The following TMEM132D variants were observed in gnomAD, a reference collection of about 807,000 sequenced individuals.
The protein encoded by TMEM132D is transmembrane protein 132D.
Under a neutral mutation model 62.3 loss-of-function variants are expected in TMEM132D, and 21 were observed. That is an observed-to-expected ratio of 0.34 (90% confidence interval 0.24 to 0.49). The LOEUF (loss-of-function observed/expected upper bound fraction) is 0.49, where lower values mean the gene tolerates loss of function less well. Ranked by LOEUF, TMEM132D falls within the 20% of genes least tolerant of loss-of-function variation. The pLI, the probability that TMEM132D is intolerant of heterozygous loss-of-function variation, is 0.99. For synonymous variants in TMEM132D, 621 were observed against 575.6 expected (o/e 1.08, Z -1.13); for missense variants, 1,346 against 1,402.8 (o/e 0.96, Z 0.65).
At chr12:129,567,779 G>A (rs1352008756) in intron 2 of TMEM132D, among the ~76,000 whole-genome samples, 2 of 151,920 alleles carry the variant, frequency 1.3e-5, no homozygotes, top group African/African-American at 4.8e-5. Flanking sequence ...AATTTTCTCA[G>A]TTTTTGTTTA....
chr12:129,117,497 C>G (rs143951433), intron 5 of TMEM132D, among the ~76,000 whole-genome samples: 9 of 152,286 alleles, frequency 5.9e-5, no homozygotes, highest in African/African-American at 1.2e-4. Context: ...TTTCCACACA[C>G]TAATCTAAGT....
intron 3 of TMEM132D, among the ~76,000 whole-genome samples, chr12:129,457,135 G>A (rs1236329250): frequency 6.6e-6 from 1 of 151,808 alleles, no homozygotes; most frequent in Non-Finnish European, 1.5e-5. Flanking sequence ...AAAGACACAT[G>A]CACACGTATG....
At chr12:129,794,075 G>GT (rs1565987524) in intron 1 of TMEM132D, among the ~76,000 whole-genome samples, 6 of 94,666 alleles carry the variant, frequency 6.3e-5, no homozygotes, top group African/African-American at 1.4e-4. Flanking sequence ...TAAGTGTATG[G>GT]GTTTTTTTTT....
intron 2 of TMEM132D, among the ~76,000 whole-genome samples, chr12:129,551,135 C>T (rs1876883795): frequency 6.6e-6 from 1 of 152,258 alleles, no homozygotes; most frequent in African/African-American, 2.4e-5. Context: ...TCCCAAGCTT[C>T]AGGGATCTGC....
intron 6 of TMEM132D, among the ~76,000 whole-genome samples, chr12:129,083,638 G>A (rs565051206): frequency 6.6e-6 from 1 of 152,312 alleles, no homozygotes; most frequent in Non-Finnish European, 1.5e-5. Flanking sequence ...TTGCAAGGAA[G>A]GGAATATAAG....
chr12:129,349,425 C>A lies in TMEM132D; in HGVS notation c.1116-11608G>T, dbSNP rs192782839. 2.0e-4 allele frequency among the ~76,000 whole-genome samples: 31 copies of A among 152,258 alleles called. No homozygotes were observed. In the East Asian group the frequency reaches 6.0e-3, roughly 29 times the overall value. Reference sequence around the variant, plus strand: ...AGCTTTGTGCACCAAGGAAAAAGGACAACAAACTGTTAATACCAGGTGCTA... The same window carrying A: ...AGCTTTGTGCACCAAGGAAAAAGGAAAACAAACTGTTAATACCAGGTGCTA... On this transcript the variant is annotated intron_variant, in intron 3 of 8. Transcript: ENST00000422113.
At chr12:129,493,852 A>G (rs1231141334) in intron 3 of TMEM132D, among the ~76,000 whole-genome samples, 1 of 152,238 alleles carries the variant, frequency 6.6e-6, no homozygotes, top group African/African-American at 2.4e-5. Flanking sequence ...GGATCTATAA[A>G]TAATCCCAAT....
At chr12:129,181,483 T>C (rs1878063048) in intron 5 of TMEM132D, among the ~76,000 whole-genome samples, 1 of 152,182 alleles carries the variant, frequency 6.6e-6, no homozygotes, top group African/African-American at 2.4e-5. Context: ...ATTCCACTGC[T>C]TAAGGACATT....
intron 5 of TMEM132D, among the ~76,000 whole-genome samples, chr12:129,183,532 T>A (rs938068937): frequency 5.3e-5 from 8 of 152,238 alleles, no homozygotes; most frequent in Non-Finnish European, 1.5e-5. Context: ...GAAGGAGCCT[T>A]GCTAGTGTTT....
intron 5 of TMEM132D, among the ~76,000 whole-genome samples, chr12:129,183,474 G>T (rs78211809): frequency 6.6e-6 from 1 of 152,174 alleles, no homozygotes; most frequent in South Asian, 2.1e-4. Flanking sequence ...CAGCCCAGGC[G>T]TATTTCCTTC....
At chr12:129,633,183 G>A (rs1565930137) in intron 2 of TMEM132D, among the ~76,000 whole-genome samples, 2 of 152,146 alleles carry the variant, frequency 1.3e-5, no homozygotes, top group Non-Finnish European at 2.9e-5. Flanking sequence ...CTTCCCCCTG[G>A]ATATGGTTGG....
At chr12:129,269,591 T>TGGTAG (rs2135600022) in intron 4 of TMEM132D, among the ~76,000 whole-genome samples, 1 of 152,136 alleles carries the variant, frequency 6.6e-6, no homozygotes, top group Admixed American at 6.5e-5. Context: ...ACGGAGGCCG[T>TGGTAG]GGTAGTGAGA....
intron 5 of TMEM132D, among the ~76,000 whole-genome samples, chr12:129,178,890 G>A (rs1258744516): frequency 2.0e-5 from 3 of 152,200 alleles, no homozygotes; most frequent in Non-Finnish European, 4.4e-5. Context: ...ACCAGCAGAT[G>A]TAATACAAGC....
chr12:129,560,592 T>C (rs1877192289), intron 2 of TMEM132D, among the ~76,000 whole-genome samples: 2 of 152,144 alleles, frequency 1.3e-5, no homozygotes, highest in African/African-American at 2.4e-5. Flanking sequence ...TTGCTAGAGA[T>C]ATACAAGAAG....
rs144942705 is a variant in TMEM132D at position 129,235,346 on chromosome 12, A to G, written c.1300-25683T>C. On this transcript the variant is annotated intron_variant, in intron 4 of 8. Coordinates refer to ENST00000422113, the MANE Select transcript of TMEM132D (RefSeq NM_133448.3). ...AGATTTAGAATATTCCATCACCTCAACAAAGTTCATTCACACTCTTTTGTG... is the reference window on the plus strand; with the variant it reads ...AGATTTAGAATATTCCATCACCTCAGCAAAGTTCATTCACACTCTTTTGTG... Among the ~76,000 whole-genome samples, 482 of 152,176 alleles carry G rather than the reference A, an allele frequency of 3.2e-3. 3 individuals are homozygous for G. The highest frequency in any genetic ancestry group is 0.011 in the African/African-American group (457 of 41,540).
At chr12:129,662,380 C>A (rs1050757666) in intron 2 of TMEM132D, among the ~76,000 whole-genome samples, 1 of 152,154 alleles carries the variant, frequency 6.6e-6, no homozygotes, top group Non-Finnish European at 1.5e-5. Context: ...GAAGGAGTGG[C>A]GAGGTTCAAG....
chr12:129,249,852 G>C (rs1182687598), intron 4 of TMEM132D, among the ~76,000 whole-genome samples: 2 of 152,158 alleles, frequency 1.3e-5, no homozygotes, highest in Non-Finnish European at 2.9e-5. Context: ...GGCACACTCA[G>C]GATAATTTGA....
chr12:129,085,881 G>T (rs1368964874), intron 5 of TMEM132D: 1 of 152,254 alleles, frequency 6.6e-6, no homozygotes, highest in African/African-American at 2.4e-5. Context: ...CTGGGGGAAG[G>T]CAATGAGTCC....
At chr12:129,452,555 A>G (rs889012098) in intron 3 of TMEM132D, among the ~76,000 whole-genome samples, 1 of 152,196 alleles carries the variant, frequency 6.6e-6, no homozygotes, top group African/African-American at 2.4e-5. Context: ...CAGGTAAATT[A>G]AGGGGGTTAT....
Sources: allele counts gnomAD v4.1 joint callset (sites outside exome capture counted in the v4.1 genomes callset), GRCh38; gene constraint gnomAD v4.1.1; transcripts MANE v1.5; gene names NCBI Gene and HGNC (gene_info 2026-07-23, HGNC 2026-07-21).